Variants in FHIT observed in about 807,000 individuals in gnomAD.
FHIT encodes the protein bis(5'-adenosyl)-triphosphatase.
FHIT carries 19 observed loss-of-function variants against 17.9 expected under a neutral mutation model. The ratio of observed to expected loss-of-function variants is 1.06; its 90% CI spans 0.74 to 1.56. FHIT has a LOEUF of 1.56. Among genes scored for constraint, FHIT ranks in the 40% most tolerant of loss-of-function variants. FHIT has a pLI of 0.00. For missense variants in FHIT, 248 were observed against 189.2 expected (o/e 1.31, Z -1.82); for synonymous variants, 81 against 69.7 (o/e 1.16, Z -0.81).
chr3:60,445,425 G>C (rs940826692), intron 5 of FHIT, among the ~76,000 whole-genome samples: 1 of 150,498 alleles, frequency 6.6e-6, no homozygotes, highest in Admixed American at 6.6e-5. Context: ...GGTCATCAAA[G>C]AAAGCACACT....
At position 61,014,779 on chromosome 3, in the gene FHIT, CAAAAA is replaced by C. The variant is rs869289360; in HGVS notation, c.-111+27263_-111+27267del. ...TGGGTGACAGAGCGAGACTCTGCCT[CAAAAA>C]AAAAAAAAAAAAAAAAAAAAAAAAT... On this transcript the variant is annotated intron_variant, in intron 3 of 9. Transcript: ENST00000492590. Among the ~76,000 whole-genome samples the C allele has an allele frequency of 1.5e-3, 96 of 65,804 alleles. 2 individuals carry two copies. The highest frequency in any genetic ancestry group is 6.5e-3 in the African/African-American group (56 of 8,668). The allele number at this position is 65,804 out of a possible 152,430, so 43.2% of individuals were successfully genotyped here. A position where few individuals can be genotyped will look rare whatever the true frequency, so the allele number is the denominator to read the frequency against.
intron 4 of FHIT, among the ~76,000 whole-genome samples, chr3:60,797,158 G>T (rs1701011255): frequency 6.6e-6 from 1 of 152,138 alleles, no homozygotes; most frequent in South Asian, 2.1e-4. Context: ...TGTGGCTCAG[G>T]ATTTGGTGCT....
intron 2 of FHIT, among the ~76,000 whole-genome samples, chr3:61,173,284 T>A (rs143398537): frequency 1.3e-5 from 2 of 151,854 alleles, no homozygotes; most frequent in South Asian, 2.1e-4. Flanking sequence ...AAAAAAAAAA[T>A]CTCTTTTTAA....
At chr3:59,890,904 T>C (rs1281468118) in intron 8 of FHIT, among the ~76,000 whole-genome samples, 1 of 152,222 alleles carries the variant, frequency 6.6e-6, no homozygotes, top group Non-Finnish European at 1.5e-5. Context: ...ACACTGGCTC[T>C]CATAATCTGT....
intron 8 of FHIT, among the ~76,000 whole-genome samples, chr3:59,857,430 T>G (rs626988): frequency 0.99 from 150,790 of 152,250 alleles, 74,691 homozygotes; most frequent in East Asian, 1. Flanking sequence ...TCCTGACATA[T>G]AAGATTTATG....
At chr3:60,692,464 A>C (rs570752840) in intron 4 of FHIT, among the ~76,000 whole-genome samples, 237 of 152,330 alleles carry the variant, frequency 1.6e-3, no homozygotes, top group Non-Finnish European at 3.0e-3. Flanking sequence ...AAGGGTCATT[A>C]AATCTCAAAA....
intron 2 of FHIT, among the ~76,000 whole-genome samples, chr3:61,132,465 G>A (rs1050427948): frequency 6.6e-6 from 1 of 152,190 alleles, no homozygotes; most frequent in Non-Finnish European, 1.5e-5. Flanking sequence ...GTCCTAGACA[G>A]ACAACTAAGT....
At chr3:60,906,040 G>C (rs1283212703) in intron 3 of FHIT, among the ~76,000 whole-genome samples, 1 of 152,034 alleles carries the variant, frequency 6.6e-6, no homozygotes, top group African/African-American at 2.4e-5. Flanking sequence ...ATACAGGCAG[G>C]ACATAAATGG....
At chr3:60,226,472 C>CAAAAGAAAA (rs1704205328) in intron 5 of FHIT, among the ~76,000 whole-genome samples, 1 of 70,148 alleles carries the variant, frequency 1.4e-5, no homozygotes, top group Non-Finnish European at 2.7e-5. Context: ...AACTCCGTCT[C>CAAAAGAAAA]AAAAAAAAAA....
At chr3:60,548,071 T>G (rs2036426622) in intron 4 of FHIT, among the ~76,000 whole-genome samples, 1 of 151,794 alleles carries the variant, frequency 6.6e-6, no homozygotes, top group Admixed American at 6.6e-5. Flanking sequence ...ACCCTTAATC[T>G]GGTGGGCACA....
intron 5 of FHIT, among the ~76,000 whole-genome samples, chr3:60,298,435 A>G (rs935223762): frequency 1.3e-5 from 2 of 152,136 alleles, no homozygotes; most frequent in African/African-American, 4.8e-5. Context: ...GGAATTGTGC[A>G]CCCGGAACCA....
At chr3:61,224,993 A>T (rs1410034218) in intron 1 of FHIT, among the ~76,000 whole-genome samples, 1 of 152,220 alleles carries the variant, frequency 6.6e-6, no homozygotes, top group Non-Finnish European at 1.5e-5. Flanking sequence ...AGGAAAGGGC[A>T]GTTACAGTTC....
At chr3:60,546,426 T>C (rs550080159) in intron 4 of FHIT, among the ~76,000 whole-genome samples, 73 of 152,330 alleles carry the variant, frequency 4.8e-4, no homozygotes, top group African/African-American at 1.7e-3. Flanking sequence ...TCCTTTCATC[T>C]CTTCCAGATA....
chr3:60,368,192 TTTTAA>T (rs1559858328), intron 5 of FHIT, among the ~76,000 whole-genome samples: 4 of 104,144 alleles, frequency 3.8e-5, no homozygotes, highest in South Asian at 3.0e-4. Context: ...AAACATATCT[TTTTAA>T]AAAAAAAAAA....
At chr3:60,466,366 T>C (rs1381294381) in intron 5 of FHIT, among the ~76,000 whole-genome samples, 1 of 152,080 alleles carries the variant, frequency 6.6e-6, no homozygotes, top group Non-Finnish European at 1.5e-5. Context: ...ATACCCTTTA[T>C]ATCTTTCTCT....
rs543400563 is a variant in FHIT, at chr3:60,565,607, G to T, written c.-17-28628C>A. ...AAATATTTCAAGCAAATAGATAAAA[G>T]ACCACTTTTAAAAATCTGAATATCC... On this transcript the variant is annotated intron_variant, in intron 4 of 9. Transcript: ENST00000492590. Among the ~76,000 whole-genome samples the T allele has an allele frequency of 2.0e-5, 3 of 152,154 alleles. No individual in the cohort carries two copies. The South Asian group carries it at 6.2e-4, about 32-fold the overall frequency.
At chr3:59,877,641 G>A (rs1472325425) in intron 8 of FHIT, among the ~76,000 whole-genome samples, 1 of 152,172 alleles carries the variant, frequency 6.6e-6, no homozygotes, top group African/African-American at 2.4e-5. Flanking sequence ...ATGATCATCA[G>A]ATACCAAAAG....
At chr3:60,935,796 G>A (rs1708167559) in intron 3 of FHIT, among the ~76,000 whole-genome samples, 1 of 152,138 alleles carries the variant, frequency 6.6e-6, no homozygotes, top group South Asian at 2.1e-4. Context: ...AATAGAGAGG[G>A]GAGTCAAGCA....
chr3:61,103,390 C>G (rs1160326943), intron 2 of FHIT, among the ~76,000 whole-genome samples: 3 of 152,154 alleles, frequency 2.0e-5, no homozygotes, highest in Admixed American at 6.6e-5. Flanking sequence ...ATCCTGAGTT[C>G]TAATTTGATT....
Sources: allele counts gnomAD v4.1 joint callset (sites outside exome capture counted in the v4.1 genomes callset), GRCh38; gene constraint gnomAD v4.1.1; transcripts MANE v1.5; gene names NCBI Gene and HGNC (gene_info 2026-07-23, HGNC 2026-07-21).